Variants in RUVBL2 observed in about 807,000 individuals in gnomAD.
RUVBL2 encodes the protein RuvB like AAA ATPase 2, also known as ruvB-like 2.
Under a neutral mutation model 57.9 loss-of-function variants are expected in RUVBL2, and 9 were observed. That is an observed-to-expected ratio of 0.16 (90% confidence interval 0.09 to 0.27). The LOEUF (loss-of-function observed/expected upper bound fraction) is 0.27. Ranked by LOEUF, RUVBL2 falls within the 10% of genes least tolerant of loss-of-function variation. The pLI is 1.00. For missense variants in RUVBL2, 456 were observed against 669.6 expected (o/e 0.68, Z 3.52); for synonymous variants, 278 against 264.6 (o/e 1.05, Z -0.49).
chr19:49,010,633 C>A (rs2039399561), intron 9 of RUVBL2, 22 bp downstream of exon 9: 1 of 1,611,944 alleles, frequency 6.2e-7, no homozygotes, highest in African/African-American at 1.3e-5. Context: ...CCTGCCCTGC[C>A]CTGCCCTGCC....
At chr19:49,007,510 G>A (rs1251447977) in intron 6 of RUVBL2, 142 bp downstream of exon 6, 10 of 665,142 alleles carry the variant, frequency 1.5e-5, no homozygotes, top group Non-Finnish European at 2.5e-5. Flanking sequence ...CCTACAGTAG[G>A]AGGTCAGTTA....
At chr19:49,003,586 C>T (rs1461013412) in intron 3 of RUVBL2, among the ~76,000 whole-genome samples, 1 of 152,072 alleles carries the variant, frequency 6.6e-6, no homozygotes. Context: ...AGAGTCAAGA[C>T]CAGCCTGACC....
chr19:49,010,482 C>CCCACCACCCA lies in RUVBL2; in HGVS notation c.664-5_664-4insCACCACCCAC. The CCCACCACCCA allele has an allele frequency of 6.2e-7, 1 of 1,605,474 alleles. No homozygotes were observed. The highest frequency in any genetic ancestry group is 8.5e-7 in the Non-Finnish European group (1 of 1,173,108). ...CCGCCGTTCTTCCCCCACCCCCGCC[C>CCCACCACCCA]CATAGACCAAGTTCGTGCAGTGCCC... On this transcript the variant is annotated splice_polypyrimidine_tract_variant and splice_region_variant and intron_variant, in intron 8 of 14. Transcript: ENST00000595090.
intron 2 of RUVBL2, among the ~76,000 whole-genome samples, chr19:49,002,649 A>T (rs898246958): frequency 6.6e-5 from 10 of 152,000 alleles, no homozygotes; most frequent in African/African-American, 1.9e-4. Context: ...CAGTGGCACA[A>T]TCTTGGCTCA....
chr19:49,010,816 C>G (rs1447963246), intron 9 of RUVBL2, among the ~76,000 whole-genome samples, 183 bp from the exon 10 acceptor site: 1 of 152,138 alleles, frequency 6.6e-6, no homozygotes, highest in African/African-American at 2.4e-5. Flanking sequence ...TGGCCCTGCC[C>G]TCTCCCCTCC....
At chr19:49,014,322 G>A (rs921944945) in intron 11 of RUVBL2, among the ~76,000 whole-genome samples, 162 bp from the exon 12 acceptor site, 16 of 152,234 alleles carry the variant, frequency 1.1e-4, no homozygotes, top group Admixed American at 1.0e-3. Context: ...GGAAGGCTGC[G>A]TCATCAGGGG....
chr19:48,995,813 G>A (rs1439887490), intron 1 of RUVBL2, among the ~76,000 whole-genome samples: 2 of 151,744 alleles, frequency 1.3e-5, no homozygotes, highest in African/African-American at 4.8e-5. Flanking sequence ...GTGAAACCCC[G>A]TCTTTATTAA....
chr19:49,009,768 A>G lies in RUVBL2; in HGVS notation c.463-8A>G, dbSNP rs936811755. ...TGAGCCCCATCCCTGGCTTGTCCCC[A>G]CTCTCAGGGCTCCAAGGTGGGCAAA... On this transcript the variant is annotated splice_region_variant and splice_polypyrimidine_tract_variant and intron_variant, in intron 6 of 14. Coordinates refer to ENST00000595090, the MANE Select transcript of RUVBL2 (RefSeq NM_006666.3). 1.2e-6 allele frequency: 2 copies of G among 1,612,892 alleles called. No individual in the cohort carries two copies. Among genetic ancestry groups the G allele is most frequent in the Non-Finnish European group, 8.5e-7 (1 of 1,179,238 alleles).
intron 2 of RUVBL2, among the ~76,000 whole-genome samples, chr19:49,001,845 C>T (rs1355093457): frequency 2.0e-5 from 3 of 152,086 alleles, no homozygotes; most frequent in African/African-American, 7.2e-5. Context: ...CTCCTGACCT[C>T]GTGATCCGCC....
chr19:49,013,349 C>T (rs1333659246), intron 11 of RUVBL2, among the ~76,000 whole-genome samples: 1 of 151,818 alleles, frequency 6.6e-6, no homozygotes, highest in African/African-American at 2.4e-5. Context: ...ATCCACCCGC[C>T]TCAGCCTCCC....
intron 9 of RUVBL2, 147 bp downstream of exon 9, chr19:49,010,758 A>G: frequency 8.4e-7 from 1 of 1,188,314 alleles, no homozygotes; most frequent in Non-Finnish European, 1.2e-6. Context: ...TCTGTTCTCC[A>G]CCTGCAAGTC....
chr19:49,003,216 G>A, intron 2 of RUVBL2, 63 bp from the exon 3 acceptor site: 1 of 1,465,518 alleles, frequency 6.8e-7, no homozygotes, highest in Non-Finnish European at 9.6e-7. Context: ...GGCTCAGAGG[G>A]GTCAGGCCAC....
upstream of RUVBL2, chr19:48,993,545 C>T (rs1001826677): frequency 2.4e-5 from 11 of 454,586 alleles, no homozygotes; most frequent in South Asian, 2.0e-4. Context: ...CAATCTGGAG[C>T]TGGAGGCCTC....
chr19:49,006,436 A>C (rs890277119), intron 4 of RUVBL2, among the ~76,000 whole-genome samples: 21 of 152,318 alleles, frequency 1.4e-4, no homozygotes, highest in Non-Finnish European at 3.1e-4. Context: ...GCTGAGCACC[A>C]GTGCCTGCCT....
At chr19:49,009,925 G>A (rs374278939) in intron 7 of RUVBL2, 43 bp downstream of exon 7, 9 of 1,611,490 alleles carry the variant, frequency 5.6e-6, no homozygotes, top group African/African-American at 2.7e-5. Flanking sequence ...GGGGATGGGC[G>A]AGCTTGGGCC....
At chr19:49,012,977 T>A (rs965657864) in intron 11 of RUVBL2, among the ~76,000 whole-genome samples, 1 of 152,190 alleles carries the variant, frequency 6.6e-6, no homozygotes, top group African/African-American at 2.4e-5. Flanking sequence ...TTTCTGTTTT[T>A]GTTTTGAGAC....
chr19:48,999,118 G>T (rs1221665958), intron 1 of RUVBL2, among the ~76,000 whole-genome samples: 1 of 152,164 alleles, frequency 6.6e-6, no homozygotes, highest in African/African-American at 2.4e-5. Context: ...CGATGAGACA[G>T]ACAGTCCTTG....
chr19:49,010,478 C>A lies in RUVBL2; in HGVS notation c.664-10C>A. 3.2e-6 allele frequency: 5 copies of A among 1,574,586 alleles called. No homozygotes were observed. The highest frequency in any genetic ancestry group is 2.2e-5 in the South Asian group (2 of 90,086). On this transcript the variant is annotated splice_polypyrimidine_tract_variant and intron_variant, in intron 8 of 14. Coordinates refer to ENST00000595090, the MANE Select transcript of RUVBL2 (RefSeq NM_006666.3). ...GTCTCCGCCGTTCTTCCCCCACCCC[C>A]GCCCCATAGACCAAGTTCGTGCAGT...
chr19:49,010,408 C>T, intron 8 of RUVBL2, 80 bp from the exon 9 acceptor site: 1 of 1,409,146 alleles, frequency 7.1e-7, no homozygotes, highest in Non-Finnish European at 1.0e-6. Flanking sequence ...CAGTCTCCCC[C>T]AGACAGAGGG....
Sources: allele counts gnomAD v4.1 joint callset (sites outside exome capture counted in the v4.1 genomes callset), GRCh38; gene constraint gnomAD v4.1.1; transcripts MANE v1.5; gene names NCBI Gene and HGNC (gene_info 2026-07-23, HGNC 2026-07-21).